Variants in CACHD1 observed in about 807,000 individuals in gnomAD.
The protein encoded by CACHD1 is VWFA and cache domain-containing protein 1.
A neutral mutation model predicts 138.7 loss-of-function variants in CACHD1; 71 were observed. The ratio of observed to expected loss-of-function variants is 0.51; its 90% CI spans 0.42 to 0.62. The LOEUF (loss-of-function observed/expected upper bound fraction) is 0.62. Ranked by LOEUF, CACHD1 falls within the 20% of genes least tolerant of loss-of-function variation. The pLI is 0.00. For synonymous variants in CACHD1, 578 were observed against 591.5 expected (o/e 0.98, Z 0.33); for missense variants, 1,389 against 1,625.3 (o/e 0.85, Z 2.50).
At chr1:64,584,085 A>G (rs1168603107) in intron 3 of CACHD1, among the ~76,000 whole-genome samples, 1 of 152,138 alleles carries the variant, frequency 6.6e-6, no homozygotes, top group African/African-American at 2.4e-5. Context: ...CAAAGAAGAA[A>G]CCATTTTCAG....
intron 1 of CACHD1, among the ~76,000 whole-genome samples, chr1:64,487,341 C>T (rs966336309): frequency 6.6e-6 from 1 of 152,154 alleles, no homozygotes; most frequent in South Asian, 2.1e-4. Context: ...TTTCTCCCCC[C>T]AGGCTTTGAA....
chr1:64,689,861 C>A (rs1267335407), intron 26 of CACHD1, among the ~76,000 whole-genome samples: 3 of 152,164 alleles, frequency 2.0e-5, no homozygotes, highest in Admixed American at 2.0e-4. Context: ...TTCCCCCAGG[C>A]AGAATTAGAT....
chr1:64,551,925 C>A (rs1168950121), intron 2 of CACHD1, among the ~76,000 whole-genome samples: 1 of 152,172 alleles, frequency 6.6e-6, no homozygotes, highest in African/African-American at 2.4e-5. Context: ...TAATTCCTGT[C>A]TTATTTTTAT....
intron 15 of CACHD1, among the ~76,000 whole-genome samples, chr1:64,665,399 T>C (rs1649595943): frequency 6.6e-6 from 1 of 151,752 alleles, no homozygotes; most frequent in African/African-American, 2.4e-5. Flanking sequence ...GTTTGAGGCT[T>C]CAGTGAGCCA....
chr1:64,507,080 C>T (rs939724549), intron 1 of CACHD1, among the ~76,000 whole-genome samples: 2 of 152,170 alleles, frequency 1.3e-5, no homozygotes, highest in Non-Finnish European at 2.9e-5. Flanking sequence ...GGAAAAAGGC[C>T]TTGGAAGTTC....
At chr1:64,629,276 C>A in intron 4 of CACHD1, 79 bp from the exon 5 acceptor site, 1 of 1,495,548 alleles carries the variant, frequency 6.7e-7, no homozygotes, top group Non-Finnish European at 9.1e-7. Context: ...GCAGTTTATG[C>A]AAAACAGATG....
intron 4 of CACHD1, among the ~76,000 whole-genome samples, chr1:64,612,074 C>T (rs1198589061): frequency 2.0e-5 from 3 of 152,118 alleles, no homozygotes; most frequent in Non-Finnish European, 4.4e-5. Flanking sequence ...TTAGTGAGAA[C>T]TCACTATCAT....
Position 64,678,407 on chromosome 1 carries a change from C to G in CACHD1, c.3244+97C>G, listed in dbSNP as rs1263894083. ...TAAAATAATCCTCTTCCCAACTTCC[C>G]TGATTCCTTTGCTGGTAGTCTTTAG... On this transcript the variant is annotated intron_variant, in intron 23 of 26. Transcript: ENST00000651257. 6 of 1,245,740 alleles carry G rather than the reference C, an allele frequency of 4.8e-6. No homozygotes were observed. In the South Asian group the frequency reaches 1.2e-4, roughly 24 times the overall value. The allele number at this position is 1,245,740 out of a possible 1,614,324, so 77.2% of individuals were successfully genotyped here.
intron 11 of CACHD1, 77 bp from the exon 12 acceptor site, chr1:64,654,609 C>T (rs1649203599): frequency 6.7e-6 from 7 of 1,051,788 alleles, no homozygotes; most frequent in Admixed American, 3.7e-5. Context: ...ATTGACTCAA[C>T]AGCTTCTTCC....
At chr1:64,477,632 TTA>T (rs1203915904) in intron 1 of CACHD1, among the ~76,000 whole-genome samples, 81 of 140,908 alleles carry the variant, frequency 5.7e-4, no homozygotes, top group South Asian at 3.6e-3. Context: ...TTATTTTATT[TTA>T]TTTTTTTTTT....
intron 9 of CACHD1, among the ~76,000 whole-genome samples, chr1:64,649,850 T>A (rs185421489): frequency 3.3e-5 from 5 of 152,316 alleles, no homozygotes; most frequent in Admixed American, 1.3e-4. Flanking sequence ...TGGATTTCAG[T>A]GATTGGTTTG....
intron 1 of CACHD1, among the ~76,000 whole-genome samples, chr1:64,492,082 C>T (rs1435076205): frequency 1.3e-5 from 2 of 151,366 alleles, no homozygotes; most frequent in African/African-American, 4.9e-5. Context: ...CTGGAACTTC[C>T]CTCAGTATTT....
chr1:64,482,329 A>G (rs1212451542), intron 1 of CACHD1, among the ~76,000 whole-genome samples: 1 of 152,116 alleles, frequency 6.6e-6, no homozygotes, highest in Non-Finnish European at 1.5e-5. Flanking sequence ...ATCCGCTTTA[A>G]TTGATTGGCT....
At chr1:64,481,750 A>G (rs1371791712) in intron 1 of CACHD1, among the ~76,000 whole-genome samples, 3 of 152,208 alleles carry the variant, frequency 2.0e-5, no homozygotes, top group Non-Finnish European at 4.4e-5. Context: ...AGTCTAGTAT[A>G]TGGTGGCCAA....
chr1:64,575,587 C>T (rs550655483), intron 2 of CACHD1, among the ~76,000 whole-genome samples: 8 of 152,212 alleles, frequency 5.3e-5, no homozygotes, highest in Admixed American at 2.6e-4. Context: ...TACCATGGCA[C>T]AAAGGTTTTT....
intron 1 of CACHD1, among the ~76,000 whole-genome samples, chr1:64,474,255 G>A (rs1646161675): frequency 6.6e-6 from 1 of 152,148 alleles, no homozygotes; most frequent in African/African-American, 2.4e-5. Context: ...TGGCATTGAG[G>A]TCTGGGAGCA....
chr1:64,505,796 C>A (rs1336178328), intron 1 of CACHD1: 1 of 144,688 alleles, frequency 6.9e-6, no homozygotes, highest in African/African-American at 2.6e-5. Context: ...TGACCCTCCT[C>A]CCGGTCGCCA....
chr1:64,605,076 C>T (rs983296567), intron 4 of CACHD1, among the ~76,000 whole-genome samples: 2 of 151,496 alleles, frequency 1.3e-5, no homozygotes, highest in South Asian at 2.1e-4. Context: ...AAGCGATTCT[C>T]CTGCCTCAGT....
At chr1:64,554,887 T>C (rs904131353) in intron 2 of CACHD1, among the ~76,000 whole-genome samples, 9 of 152,250 alleles carry the variant, frequency 5.9e-5, no homozygotes, top group African/African-American at 1.7e-4. Flanking sequence ...TAGCTACATG[T>C]GGCTGGTAGT....
Sources: allele counts gnomAD v4.1 joint callset (sites outside exome capture counted in the v4.1 genomes callset), GRCh38; gene constraint gnomAD v4.1.1; transcripts MANE v1.5; gene names NCBI Gene and HGNC (gene_info 2026-07-23, HGNC 2026-07-21).